Variants in NCS1 observed in about 807,000 individuals in gnomAD.
NCS1 encodes neuronal calcium sensor 1.
A neutral mutation model predicts 28.4 loss-of-function variants in NCS1; 6 were observed. The observed-to-expected ratio is 0.21, with a 90% CI of 0.12 to 0.42. The LOEUF (loss-of-function observed/expected upper bound fraction) is 0.42. Among genes scored for constraint, NCS1 ranks in the 10% least tolerant of loss-of-function variants. The pLI is 1.00. For synonymous variants in NCS1, 86 were observed against 99.3 expected (o/e 0.87, Z 0.79); for missense variants, 131 against 241.4 (o/e 0.54, Z 3.03).
chr9:130,218,104 G>A (rs1833215395), intron 3 of NCS1, 134 bp downstream of exon 3: 1 of 1,158,542 alleles, frequency 8.6e-7, no homozygotes, highest in African/African-American at 1.5e-5. Context: ...ATACTGACAT[G>A]CACAGATACA....
intron 1 of NCS1, among the ~76,000 whole-genome samples, chr9:130,173,454 T>C (rs1159923144): frequency 6.6e-6 from 1 of 152,164 alleles, no homozygotes; most frequent in Non-Finnish European, 1.5e-5. Flanking sequence ...TGTGTCTCCC[T>C]CCACTTGCCT....
Position 130,191,922 on chromosome 9 carries a change from C to T in NCS1, c.65-9036C>T, listed in dbSNP as rs1832821081. 6.6e-6 allele frequency among the ~76,000 whole-genome samples: 1 copy of T among 152,198 alleles called. No individual in the cohort carries two copies. Among genetic ancestry groups the T allele is most frequent in the African/African-American group, 2.4e-5 (1 of 41,460 alleles). ...ACAGTGACTGCCAAGGAGGCTGGGA[C>T]ACCACTCCCACAGTGGGGACACGTG... is the stretch of plus-strand genomic sequence containing the variant. On this transcript the variant is annotated intron_variant, in intron 1 of 7. Coordinates refer to ENST00000372398, the MANE Select transcript of NCS1 (RefSeq NM_014286.4). The surrounding 1 kb of genome is among the most constrained non-coding windows in gnomAD (Gnocchi z 6.4).
rs1302183109 is a variant in NCS1 at position 130,215,165 on chromosome 9, G to A, written c.90-2667G>A. Among the ~76,000 whole-genome samples, 1 of 152,238 alleles carries A rather than the reference G, an allele frequency of 6.6e-6. No homozygotes were observed. Among genetic ancestry groups the A allele is most frequent in the Non-Finnish European group, 1.5e-5 (1 of 68,038 alleles). On this transcript the variant is annotated intron_variant, in intron 2 of 7. Transcript: ENST00000372398. The surrounding 1 kb of genome is among the most constrained non-coding windows in gnomAD (Gnocchi z 4.2). ...CAGAGATGTCTGGTGACAGTTGGGTGTGCCCCCACATGGGTCATTAAGTCC... is the reference window on the plus strand; with the variant it reads ...CAGAGATGTCTGGTGACAGTTGGGTATGCCCCCACATGGGTCATTAAGTCC...
Position 130,172,680 on chromosome 9 carries a change from G to A in NCS1, c.17G>A (p.Ser6Asn). Residue 6 changes from serine to asparagine, a missense_variant, in exon 1 of 8, where the codon AGC becomes AAC. By Grantham distance (46) the Ser-to-Asn change is conservative (BLOSUM62 1). Transcript: ENST00000372398. ...CCGCCGAGGATGGGGAAATCCAACA[G>A]CAAGTTGAAGCCCGAAGTTGTGGAG... MGKSNSKLKPEVVEEL... is the reference protein window; with the variant it reads MGKSNNKLKPEVVEEL... 2 of 1,504,890 alleles carry A rather than the reference G, an allele frequency of 1.3e-6. No individual in the cohort carries two copies. The highest frequency in any genetic ancestry group is 1.4e-5 in the African/African-American group (1 of 69,178). 93.2% of individuals were successfully genotyped at this position (1,504,890 alleles called of 1,614,324 possible). A position where few individuals can be genotyped will look rare whatever the true frequency, so the allele number is the denominator to read the frequency against.
rs1832590187 is a variant in NCS1, at chr9:130,177,535, T to C, written c.64+4808T>C. 6.6e-6 allele frequency among the ~76,000 whole-genome samples: 1 copy of C among 152,210 alleles called. No individual in the cohort carries two copies. Among genetic ancestry groups the C allele is most frequent in the Non-Finnish European group, 1.5e-5 (1 of 68,026 alleles). ...TGCGTGGGCATGAACCAAGGAGGCCTTTCCTTTCTCTGACAGTGGAGCAGA... is the reference window on the plus strand; with the variant it reads ...TGCGTGGGCATGAACCAAGGAGGCCCTTCCTTTCTCTGACAGTGGAGCAGA... On this transcript the variant is annotated intron_variant, in intron 1 of 7. Transcript: ENST00000372398. The surrounding 1 kb of genome is among the most constrained non-coding windows in gnomAD (Gnocchi z 4.4).
At position 130,181,866 on chromosome 9, in the gene NCS1, G is replaced by A. The variant is rs1238090442; in HGVS notation, c.64+9139G>A. On this transcript the variant is annotated intron_variant, in intron 1 of 7. Coordinates refer to ENST00000372398, the MANE Select transcript of NCS1 (RefSeq NM_014286.4). The surrounding 1 kb of genome is among the most constrained non-coding windows in gnomAD (Gnocchi z 5.0). ...GTGGGTGAGCCGGGCACTCCTGTGC[G>A]CACGCGTGTGGTGGTGTGTGAGGGC... Among the ~76,000 whole-genome samples the A allele has an allele frequency of 2.0e-5, 3 of 152,064 alleles. No homozygotes were observed. The highest frequency in any genetic ancestry group is 4.4e-5 in the Non-Finnish European group (3 of 67,976).
intron 1 of NCS1, among the ~76,000 whole-genome samples, chr9:130,174,989 A>G (rs1402009816): frequency 2.0e-5 from 3 of 151,960 alleles, no homozygotes; most frequent in Non-Finnish European, 2.9e-5. Context: ...GGGCTGGGCT[A>G]TTTTTAAAGG....
intron 2 of NCS1, among the ~76,000 whole-genome samples, chr9:130,214,326 C>T (rs781885918): frequency 3.3e-5 from 5 of 152,156 alleles, no homozygotes; most frequent in South Asian, 2.1e-4. Context: ...GATATTCTCA[C>T]GCTTCTTAAA....
rs1256519907 is a variant in NCS1, at chr9:130,180,991, GAGGATGGACAGC to G, written c.64+8267_64+8278del. ...AGGCTCCTGTGCGCCCAGGGGCTCA[GAGGATGGACAGC>G]AGCCTGCCTGGGATTAAGTCCCAGG... On this transcript the variant is annotated intron_variant, in intron 1 of 7. Coordinates refer to ENST00000372398, the MANE Select transcript of NCS1 (RefSeq NM_014286.4). The surrounding 1 kb of genome is among the most constrained non-coding windows in gnomAD (Gnocchi z 4.5). Among the ~76,000 whole-genome samples, 1 of 152,220 alleles carries G rather than the reference GAGGATGGACAGC, an allele frequency of 6.6e-6. No homozygotes were observed. The highest frequency in any genetic ancestry group is 1.5e-5 in the Non-Finnish European group (1 of 68,042).
intron 2 of NCS1, among the ~76,000 whole-genome samples, chr9:130,207,409 C>T (rs1301143919): frequency 1.3e-5 from 2 of 152,240 alleles, no homozygotes; most frequent in Non-Finnish European, 2.9e-5. Flanking sequence ...CATCCCACCT[C>T]AGAGCCTCTG....
In NCS1 at chr9:130,174,790, C is replaced by CAAAAAAAAAAAAAAAAA. The variant is rs34473694; in HGVS notation, c.64+2064_64+2080dup. 6.6e-5 allele frequency among the ~76,000 whole-genome samples: 6 copies of CAAAAAAAAAAAAAAAAA among 91,588 alleles called. 1 individual carries two copies. Among genetic ancestry groups the CAAAAAAAAAAAAAAAAA allele is most frequent in the Admixed American group, 1.4e-4 (1 of 7,348 alleles). The allele number at this position is 91,588 out of a possible 152,430, so 60.1% of individuals were successfully genotyped here. A position where few individuals can be genotyped will look rare whatever the true frequency, so the allele number is the denominator to read the frequency against. ...TGCTCCAAGAGGGAAACTCTGTCTC[C>CAAAAAAAAAAAAAAAAA]AAAAAAAAAAAAAAAAAGCTCTGCT... is the stretch of plus-strand genomic sequence containing the variant. On this transcript the variant is annotated intron_variant, in intron 1 of 7. Transcript: ENST00000372398.
intron 6 of NCS1, among the ~76,000 whole-genome samples, chr9:130,223,718 G>A (rs942041511): frequency 5.9e-5 from 9 of 152,056 alleles, no homozygotes; most frequent in Admixed American, 2.6e-4. Flanking sequence ...GTTGGGGACC[G>A]TCGCCTAGGT....
At chr9:130,185,022 C>A (rs1325671207) in intron 1 of NCS1, among the ~76,000 whole-genome samples, 2 of 152,146 alleles carry the variant, frequency 1.3e-5, no homozygotes, top group Admixed American at 1.3e-4. Flanking sequence ...CGCGCCCGGC[C>A]ATCCCAGAGG....
At chr9:130,176,770 A>G (rs1370972262) in intron 1 of NCS1, among the ~76,000 whole-genome samples, 1 of 152,222 alleles carries the variant, frequency 6.6e-6, no homozygotes, top group Non-Finnish European at 1.5e-5. Flanking sequence ...GAGACAGAGG[A>G]GTGGACCAGA....
rs1339408498 is a variant in NCS1, at chr9:130,233,998, T to C, written c.*1026T>C. 6.6e-6 allele frequency: 1 copy of C among 152,174 alleles called. No individual in the cohort carries two copies. The highest frequency in any genetic ancestry group is 6.6e-5 in the Admixed American group (1 of 15,266). The allele number at this position is 152,174 out of a possible 1,614,324, so 9.4% of individuals were successfully genotyped here. A position where few individuals can be genotyped will look rare whatever the true frequency, so the allele number is the denominator to read the frequency against. On this transcript the variant is annotated 3_prime_UTR_variant, in exon 8 of 8. Transcript: ENST00000372398. The surrounding 1 kb of genome is among the most constrained non-coding windows in gnomAD (Gnocchi z 4.8). ...TGAACAGGGGACATCTTTAGGTTTC[T>C]CAACTCTTGCTTTGGTGTTTGCCGC... is the stretch of plus-strand genomic sequence containing the variant.
intron 2 of NCS1, among the ~76,000 whole-genome samples, chr9:130,210,061 G>T (rs1833091180): frequency 1.3e-5 from 2 of 152,106 alleles, no homozygotes; most frequent in South Asian, 4.1e-4. Context: ...GGGCAGTGAG[G>T]GGTCTTGGTA....
chr9:130,210,694 G>A (rs566127887), intron 2 of NCS1, among the ~76,000 whole-genome samples: 1 of 152,250 alleles, frequency 6.6e-6, no homozygotes, highest in Non-Finnish European at 1.5e-5. Context: ...TGAGGAAACC[G>A]AGACTCTGAG....
intron 2 of NCS1, among the ~76,000 whole-genome samples, chr9:130,205,296 G>C (rs1833008770): frequency 6.6e-6 from 1 of 152,120 alleles, no homozygotes; most frequent in Non-Finnish European, 1.5e-5. Context: ...GGCTTGAGGG[G>C]GCGGTGTGGA....
chr9:130,204,668 C>T (rs1261257682), intron 2 of NCS1, among the ~76,000 whole-genome samples: 2 of 152,188 alleles, frequency 1.3e-5, no homozygotes, highest in African/African-American at 2.4e-5. Context: ...ACCTCAGTTT[C>T]CCCATCTGGA....
Sources: gnomAD v4.1 joint callset for allele counts (sites outside exome capture counted in the v4.1 genomes callset) on GRCh38, gnomAD v4.1.1 for gene constraint, Gnocchi (gnomAD v3.1) non-coding constraint, MANE v1.5 for transcripts, NCBI Gene and HGNC (gene_info 2026-07-23, HGNC 2026-07-21) for gene names.